Variants in VPS53 observed in about 807,000 individuals in gnomAD.
VPS53 encodes the protein vacuolar protein sorting-associated protein 53 homolog.
Under a neutral mutation model 107.0 loss-of-function variants are expected in VPS53, and 70 were observed. The ratio of observed to expected loss-of-function variants is 0.65; its 90% CI spans 0.54 to 0.80. The LOEUF (loss-of-function observed/expected upper bound fraction) is 0.80, where lower values mean the gene tolerates loss of function less well. Ranked by LOEUF, VPS53 falls within the 30% of genes least tolerant of loss-of-function variation. The probability of loss-of-function intolerance (pLI) is 0.00; values close to 1 mark genes in which losing one functional copy is unlikely to be tolerated. For missense variants in VPS53, 917 were observed against 1,049.4 expected, an observed-to-expected ratio of 0.87 and a Z score of 1.74; for synonymous variants, 409 against 393.3, an observed-to-expected ratio of 1.04 and a Z score of -0.47.
At chr17:592,483 T>G (rs1262469879) in intron 12 of VPS53, among the ~76,000 whole-genome samples, 2 of 152,194 alleles carry the variant, frequency 1.3e-5, no homozygotes, top group Admixed American at 6.5e-5. Context: ...TTCTTCGTAG[T>G]CTTGATGGTC....
intron 7 of VPS53, among the ~76,000 whole-genome samples, chr17:637,975 A>C (rs920046365): frequency 2.6e-5 from 4 of 152,182 alleles, no homozygotes; most frequent in African/African-American, 9.7e-5. Flanking sequence ...TATTCTTGTT[A>C]ACTTTCTGTC....
At chr17:698,711 A>C (rs1973079436) in intron 3 of VPS53, among the ~76,000 whole-genome samples, 1 of 151,970 alleles carries the variant, frequency 6.6e-6, no homozygotes, top group Non-Finnish European at 1.5e-5. Context: ...TTGAAAAAAA[A>C]ACAGAAAAAA....
rs1337587066 is a variant in VPS53 at position 524,155 on chromosome 17, C to T, written c.2086-2417G>A. On this transcript the variant is annotated intron_variant, in intron 19 of 21. Coordinates refer to ENST00000437048, the MANE Select transcript of VPS53 (RefSeq NM_001128159.3). This position sits in a 1 kb window ranked among gnomAD's most constrained non-coding sequence, Gnocchi z 4.5. ...CTCTACTAAAAATACAAAAATTAGC[C>T]GGGTGTGGTGGCGCATGCCTGTAAT... 6.6e-6 allele frequency among the ~76,000 whole-genome samples: 1 copy of T among 151,728 alleles called. No homozygotes were observed. Among genetic ancestry groups the T allele is most frequent in the Non-Finnish European group, 1.5e-5 (1 of 67,964 alleles).
At chr17:624,017 CTT>C (rs201579151) in intron 10 of VPS53, among the ~76,000 whole-genome samples, 14,465 of 144,106 alleles carry the variant, frequency 0.1, 781 homozygotes, top group East Asian at 0.21. Flanking sequence ...TCAAATGATT[CTT>C]TTTTTTTTTT....
At chr17:545,053 C>T (rs966461523) in intron 17 of VPS53, among the ~76,000 whole-genome samples, 2 of 152,060 alleles carry the variant, frequency 1.3e-5, no homozygotes, top group African/African-American at 4.8e-5. Context: ...CGCACCCAAG[C>T]CTGGGCAACA....
chr17:703,671 A>G (rs1445620518), intron 2 of VPS53, among the ~76,000 whole-genome samples: 1 of 152,204 alleles, frequency 6.6e-6, no homozygotes, highest in African/African-American at 2.4e-5. Flanking sequence ...ATTCTTGACA[A>G]TTACAGAAAA....
In VPS53 at chr17:519,841, C is replaced by T; in HGVS notation, c.2313G>A (p.Lys771=). ...LTDCNTETFQ[K]ILDMKGLKRS... ...CGGCACAAACCTTCATGTCCAGTATCTTCTGAAAGGTTTCTGTGTTGCAGT... is the reference window on the plus strand; with the variant it reads ...CGGCACAAACCTTCATGTCCAGTATTTTCTGAAAGGTTTCTGTGTTGCAGT... The change falls in exon 21 of 22, where the codon AAG becomes AAA. Residue 771 remains lysine (K), a synonymous_variant. Coordinates refer to ENST00000437048, the MANE Select transcript of VPS53 (RefSeq NM_001128159.3). This position sits in a 1 kb window ranked among gnomAD's most constrained non-coding sequence, Gnocchi z 5.0. 2 of 1,551,336 alleles carry T rather than the reference C, an allele frequency of 1.3e-6. No individual in the cohort carries two copies. The highest frequency in any genetic ancestry group is 2.4e-5 in the South Asian group (2 of 84,054).
intron 10 of VPS53, among the ~76,000 whole-genome samples, chr17:626,691 A>G (rs1321207601): frequency 1.3e-5 from 2 of 152,102 alleles, no homozygotes; most frequent in African/African-American, 4.8e-5. Context: ...AAAGCTCTGA[A>G]CTATCCAGAG....
intron 17 of VPS53, among the ~76,000 whole-genome samples, chr17:550,805 C>A (rs574860113): frequency 1.9e-4 from 28 of 150,836 alleles, no homozygotes; most frequent in African/African-American, 6.8e-4. Context: ...GATGAGGTAG[C>A]GCTCAGTAAG....
At chr17:528,548 G>A (rs1330440566) in intron 19 of VPS53, among the ~76,000 whole-genome samples, 1 of 149,872 alleles carries the variant, frequency 6.7e-6, no homozygotes, top group East Asian at 1.9e-4. Flanking sequence ...GTGCTGCTAT[G>A]AATATTTGTG....
chr17:528,458 C>T (rs1206826987), intron 19 of VPS53, among the ~76,000 whole-genome samples: 2 of 152,136 alleles, frequency 1.3e-5, no homozygotes, highest in Non-Finnish European at 2.9e-5. Context: ...GTAATATTCC[C>T]TTGTATGGAT....
At chr17:552,794 G>T in intron 16 of VPS53, 3 of 273,928 alleles carry the variant, frequency 1.1e-5, no homozygotes, top group Non-Finnish European at 2.1e-5. Flanking sequence ...CTTCTTAGTG[G>T]CCAGTAGGGA....
chr17:628,227 G>A lies in VPS53; in HGVS notation c.692C>T (p.Pro231Leu), dbSNP rs1472685858. 2 of 1,613,258 alleles carry A rather than the reference G, an allele frequency of 1.2e-6. No individual in the cohort carries two copies. The highest frequency in any genetic ancestry group is 2.2e-5 in the South Asian group (2 of 90,862). Residue 231 changes from proline (P) to leucine (L), a missense_variant, in exon 9 of 22, where the codon CCA (proline) becomes CTA (leucine). Transcript: ENST00000437048. ...EAFPSQGTKR[P>L]GGPSNVLRDA... ...TCGTAGAACATTGCTGGGTCCTCCTGGTCTCTAGTAAAACAAACATGTACC... is the reference window on the plus strand; with the variant it reads ...TCGTAGAACATTGCTGGGTCCTCCTAGTCTCTAGTAAAACAAACATGTACC...
chr17:563,731 T>C (rs1014188161), intron 13 of VPS53, among the ~76,000 whole-genome samples: 5 of 152,208 alleles, frequency 3.3e-5, no homozygotes, highest in African/African-American at 9.6e-5. Flanking sequence ...GATTAAAAAC[T>C]AAGCAGCCTG....
At chr17:646,216 G>A (rs954185154) in intron 7 of VPS53, among the ~76,000 whole-genome samples, 2 of 124,286 alleles carry the variant, frequency 1.6e-5, no homozygotes, top group African/African-American at 5.5e-5. Flanking sequence ...CTCCGTGACC[G>A]TGTGGCCTCT....
chr17:609,216 T>A (rs1363853774), intron 11 of VPS53, among the ~76,000 whole-genome samples: 2 of 152,146 alleles, frequency 1.3e-5, no homozygotes, highest in Admixed American at 6.6e-5. Context: ...TGGATTTGCC[T>A]CTTTTGGGTA....
At chr17:683,606 C>T (rs1972480940) in intron 4 of VPS53, among the ~76,000 whole-genome samples, 1 of 152,150 alleles carries the variant, frequency 6.6e-6, no homozygotes, top group African/African-American at 2.4e-5. Context: ...GTGACAAATG[C>T]CTTCATTTGC....
intron 4 of VPS53, among the ~76,000 whole-genome samples, chr17:673,086 T>G (rs1159642781): frequency 2.9e-5 from 4 of 138,512 alleles, no homozygotes; most frequent in African/African-American, 7.8e-5. Flanking sequence ...CACTCCAGCC[T>G]GGGGCACAGA....
intron 7 of VPS53, among the ~76,000 whole-genome samples, chr17:639,781 G>A (rs566967140): frequency 3.3e-4 from 51 of 152,276 alleles, no homozygotes; most frequent in Admixed American, 5.9e-4. Context: ...AGAGGGGTAC[G>A]TGGCTGTGTG....
Sources: allele counts gnomAD v4.1 joint callset (sites outside exome capture counted in the v4.1 genomes callset), GRCh38; gene constraint gnomAD v4.1.1; non-coding constraint Gnocchi (gnomAD v3.1); transcripts MANE v1.5; gene names NCBI Gene and HGNC (gene_info 2026-07-23, HGNC 2026-07-21).